RNFT2: variants seen among roughly 807,000 people sequenced by gnomAD.
RNFT2 encodes ring finger protein, transmembrane 2, also known as E3 ubiquitin-protein ligase RNFT2.
RNFT2 carries 36 observed loss-of-function variants against 53.0 expected under a neutral mutation model. The observed-to-expected ratio is 0.68, with a 90% CI of 0.52 to 0.90. RNFT2 has a LOEUF of 0.90. Among genes scored for constraint, RNFT2 ranks in the 40% least tolerant of loss-of-function variants. The probability of loss-of-function intolerance (pLI) is 0.00; values close to 1 mark genes in which losing one functional copy is unlikely to be tolerated. For synonymous variants in RNFT2, 260 were observed against 253.2 expected (o/e 1.03, Z -0.26); for missense variants, 514 against 585.6 (o/e 0.88, Z 1.26).
At chr12:116,821,208 C>CCCTCCTGTTTCTATCCACTTCCCT (rs1876000480) in intron 7 of RNFT2, among the ~76,000 whole-genome samples, 1 of 151,914 alleles carries the variant, frequency 6.6e-6, no homozygotes, top group Non-Finnish European at 1.5e-5. Context: ...CCCCATTTCC[C>CCCTCCTGTTTCTATCCACTTCCCT]CCTCCTGTTT....
At chr12:116,848,921 C>G (rs1448598871) in intron 10 of RNFT2, among the ~76,000 whole-genome samples, 1 of 152,112 alleles carries the variant, frequency 6.6e-6, no homozygotes, top group Non-Finnish European at 1.5e-5. Flanking sequence ...CGGGTTCAAA[C>G]GATTCTCTTG....
At chr12:116,781,693 C>T (rs1403686941) in intron 7 of RNFT2, among the ~76,000 whole-genome samples, 1 of 152,108 alleles carries the variant, frequency 6.6e-6, no homozygotes, top group African/African-American at 2.4e-5. Flanking sequence ...TGGCCCCACC[C>T]GAATAATCTA....
intron 5 of RNFT2, among the ~76,000 whole-genome samples, chr12:116,757,941 ACTATGTTGC>A (rs1268961630): frequency 6.6e-6 from 1 of 152,068 alleles, no homozygotes; most frequent in African/African-American, 2.4e-5. Flanking sequence ...CCCTACTATT[ACTATGTTGC>A]TGTCAATCTC....
chr12:116,834,535 C>T (rs1876858405), intron 8 of RNFT2, among the ~76,000 whole-genome samples: 1 of 152,198 alleles, frequency 6.6e-6, no homozygotes, highest in South Asian at 2.1e-4. Flanking sequence ...AAAAGAAATA[C>T]CCATTAAGCA....
intron 1 of RNFT2, among the ~76,000 whole-genome samples, chr12:116,739,975 G>A (rs576484361): frequency 9.2e-5 from 14 of 152,134 alleles, no homozygotes; most frequent in Non-Finnish European, 1.9e-4. Context: ...GGAGGCCAAG[G>A]CAGGCGGATC....
At chr12:116,844,500 G>A (rs1877507284) in intron 10 of RNFT2, among the ~76,000 whole-genome samples, 1 of 152,206 alleles carries the variant, frequency 6.6e-6, no homozygotes, top group Non-Finnish European at 1.5e-5. Flanking sequence ...CTCCCAAAGT[G>A]TTGGGATTAC....
intron 7 of RNFT2, among the ~76,000 whole-genome samples, chr12:116,780,129 A>G (rs1873623854): frequency 6.6e-6 from 1 of 152,188 alleles, no homozygotes; most frequent in South Asian, 2.1e-4. Context: ...GGAAGTGACC[A>G]TCGATCTTGA....
At chr12:116,775,795 C>T (rs11835971) in intron 6 of RNFT2, among the ~76,000 whole-genome samples, 4,724 of 152,318 alleles carry the variant, frequency 0.031, 196 homozygotes, top group East Asian at 0.15. Flanking sequence ...GTATTCCCAA[C>T]ACTTTGGGAG....
chr12:116,812,345 A>AGGCAGAGGACGGGGAT (rs981153704), intron 7 of RNFT2, among the ~76,000 whole-genome samples: 5 of 152,106 alleles, frequency 3.3e-5, no homozygotes, highest in African/African-American at 1.2e-4. Context: ...GCAGAGATGC[A>AGGCAGAGGACGGGGAT]GGCAGAGGAC....
At chr12:116,802,833 G>T (rs1023405020) in intron 7 of RNFT2, among the ~76,000 whole-genome samples, 3 of 152,102 alleles carry the variant, frequency 2.0e-5, no homozygotes, top group Non-Finnish European at 2.9e-5. Flanking sequence ...AGTGGCTCAT[G>T]CCTGTAATCC....
chr12:116,748,403 A>G (rs947943858), intron 3 of RNFT2, among the ~76,000 whole-genome samples: 1 of 152,202 alleles, frequency 6.6e-6, no homozygotes, highest in African/African-American at 2.4e-5. Flanking sequence ...AACTAGAGAA[A>G]GCAATATGGC....
Position 116,849,783 on chromosome 12 carries a change from T to C in RNFT2, c.*335T>C. 1.9e-6 allele frequency: 2 copies of C among 1,048,682 alleles called. No individual in the cohort carries two copies. The highest frequency in any genetic ancestry group is 2.3e-6 in the Non-Finnish European group (2 of 858,694). The allele number at this position is 1,048,682 out of a possible 1,614,324, so 65.0% of individuals were successfully genotyped here. A position where few individuals can be genotyped will look rare whatever the true frequency, so the allele number is the denominator to read the frequency against. On this transcript the variant is annotated 3_prime_UTR_variant, in exon 11 of 11. Transcript: ENST00000257575. The stretch of plus-strand genomic sequence containing the variant: ...CTTGTTGGTTATTTTCTCTTTCTTT[T>C]TTCTTTTCTTTTCTTTCTCTCTCTC...
chr12:116,785,205 C>A (rs1320323420), intron 7 of RNFT2, among the ~76,000 whole-genome samples: 2 of 150,714 alleles, frequency 1.3e-5, no homozygotes, highest in East Asian at 3.9e-4. Flanking sequence ...TCTTCTAGAT[C>A]CCCCTAAGTC....
At chr12:116,802,899 A>G (rs1874868109) in intron 7 of RNFT2, among the ~76,000 whole-genome samples, 1 of 151,916 alleles carries the variant, frequency 6.6e-6, no homozygotes, top group Non-Finnish European at 1.5e-5. Flanking sequence ...GTTCGAACCC[A>G]GCCTGGGTGG....
chr12:116,799,955 C>T (rs1031718591), intron 7 of RNFT2, among the ~76,000 whole-genome samples: 3 of 152,122 alleles, frequency 2.0e-5, no homozygotes, highest in Non-Finnish European at 2.9e-5. Context: ...ATGTGAATGG[C>T]GTGGTACCCT....
intron 5 of RNFT2, among the ~76,000 whole-genome samples, chr12:116,756,539 G>T (rs57921806): frequency 3.3e-5 from 5 of 151,976 alleles, no homozygotes; most frequent in African/African-American, 9.7e-5. Context: ...AATCATAAAG[G>T]GATGCTGGAT....
chr12:116,778,741 T>C (rs565905320), intron 6 of RNFT2, among the ~76,000 whole-genome samples: 2 of 152,314 alleles, frequency 1.3e-5, no homozygotes, highest in East Asian at 1.9e-4. Context: ...ATCCAGCTAC[T>C]TGGGAAGCTG....
intron 10 of RNFT2, among the ~76,000 whole-genome samples, chr12:116,847,720 T>C (rs1444530605): frequency 1.3e-5 from 2 of 151,846 alleles, no homozygotes; most frequent in African/African-American, 4.8e-5. Flanking sequence ...AGAGATGGGG[T>C]TTCTCCATGT....
At position 116,852,461 on chromosome 12, in the gene RNFT2, C is replaced by T; in HGVS notation, c.*3013C>T. 6.3e-6 allele frequency: 9 copies of T among 1,437,316 alleles called. No individual in the cohort carries two copies. Among genetic ancestry groups the T allele is most frequent in the Non-Finnish European group, 8.2e-6 (9 of 1,094,000 alleles). 89.0% of individuals were successfully genotyped at this position (1,437,316 alleles called of 1,614,324 possible). A position where few individuals can be genotyped will look rare whatever the true frequency, so the allele number is the denominator to read the frequency against. On this transcript the variant is annotated 3_prime_UTR_variant, in exon 11 of 11. Coordinates refer to ENST00000257575, the MANE Select transcript of RNFT2 (RefSeq NM_001382266.1). ...GGGCAGTGTAGCATCTTTCAAGCTC[C>T]GTTACTATGGCGATGGCCATGATGT... is the stretch of plus-strand genomic sequence containing the variant.
Sources: allele counts gnomAD v4.1 joint callset (sites outside exome capture counted in the v4.1 genomes callset), GRCh38; gene constraint gnomAD v4.1.1; transcripts MANE v1.5; gene names NCBI Gene and HGNC (gene_info 2026-07-23, HGNC 2026-07-21).